The following SFTPB variants were observed in gnomAD, a reference collection of about 807,000 sequenced individuals.
SFTPB encodes the protein pulmonary surfactant-associated protein B.
A neutral mutation model predicts 51.0 loss-of-function variants in SFTPB; 32 were observed. The ratio of observed to expected loss-of-function variants is 0.63; its 90% CI spans 0.47 to 0.84. The LOEUF is 0.84. Among genes scored for constraint, SFTPB ranks in the 40% least tolerant of loss-of-function variants. The probability of loss-of-function intolerance (pLI) is 0.00; values close to 1 mark genes in which losing one functional copy is unlikely to be tolerated. For synonymous variants in SFTPB, 211 were observed against 208.5 expected (o/e 1.01, Z -0.10); for missense variants, 431 against 491.2 (o/e 0.88, Z 1.16).
Position 85,663,571 on chromosome 2 carries a change from G to T in SFTPB, c.857-80C>A, listed in dbSNP as rs1339079384. On this transcript the variant is annotated intron_variant, in intron 7 of 10. Coordinates refer to ENST00000519937, the MANE Select transcript of SFTPB (RefSeq NM_000542.5). ...TGGTTTCTGTCCTCCTTGGTGCATTGCAGTGGGACCACAGAGGGAGAGGGT... is the reference window on the plus strand; with the variant it reads ...TGGTTTCTGTCCTCCTTGGTGCATTTCAGTGGGACCACAGAGGGAGAGGGT... 4 of 1,596,580 alleles carry T rather than the reference G, an allele frequency of 2.5e-6. No homozygotes were observed. In the Admixed American group the frequency reaches 7.0e-5, roughly 28 times the overall value.
chr2:85,668,240 G>A (rs1009953317), upstream of SFTPB: 4 of 1,505,062 alleles, frequency 2.7e-6, no homozygotes, highest in Admixed American at 3.9e-5. Context: ...AGCTGGGCGG[G>A]GCGTGGGGGC....
At position 85,662,105 on chromosome 2, in the gene SFTPB, T is replaced by A; in HGVS notation, c.1007A>T (p.Lys336Met). The A allele has an allele frequency of 6.2e-7, 1 of 1,600,608 alleles. No homozygotes were observed. The highest frequency in any genetic ancestry group is 8.5e-7 in the Non-Finnish European group (1 of 1,175,062). ...VGSWLDREKC[K>M]QFVEQHTPQL... ...GGGCGTGTGCTGCTCCACAAATTGCTTGCACTGAGGAAGGAGACACACAGC... is the reference window on the plus strand; with the variant it reads ...GGGCGTGTGCTGCTCCACAAATTGCATGCACTGAGGAAGGAGACACACAGC... The change falls in exon 9 of 11, where the codon AAG (lysine) becomes ATG (methionine). Residue 336 changes from lysine to methionine, a missense_variant. Coordinates refer to ENST00000519937, the MANE Select transcript of SFTPB (RefSeq NM_000542.5).
rs548414751 is a variant in SFTPB, at chr2:85,663,376, G to T, written c.972C>A (p.Ala324=). 3 of 1,613,488 alleles carry T rather than the reference G, an allele frequency of 1.9e-6. No individual in the cohort carries two copies. Among genetic ancestry groups the T allele is most frequent in the Admixed American group, 1.7e-5 (1 of 60,020 alleles). The change falls in exon 8 of 11, where the codon GCC becomes GCA. Residue 324 remains alanine (A), a synonymous_variant. Coordinates refer to ENST00000519937, the MANE Select transcript of SFTPB (RefSeq NM_000542.5). ...EQAIPQAMLQ[A]CVGSWLDREK... ...CCCTGTCCAGCCAGGAGCCAACACA[G>T]GCCTGGAGCATTGCCTGTGGTATGG...
Position 85,662,088 on chromosome 2 carries a change from G to A in SFTPB, c.1024C>T (p.His342Tyr). Residue 342 changes from histidine to tyrosine, a missense_variant, in exon 9 of 11, where the codon CAC becomes TAC. Transcript: ENST00000519937. ...REKCKQFVEQHTPQLLTLVPR... is the reference protein window; with the variant it reads ...REKCKQFVEQYTPQLLTLVPR... ...ACCAGGGTCAGCAGCTGGGGCGTGT[G>A]CTGCTCCACAAATTGCTTGCACTGA... The A allele has an allele frequency of 3.1e-6, 5 of 1,602,438 alleles. No homozygotes were observed. Among genetic ancestry groups the A allele is most frequent in the Non-Finnish European group, 4.3e-6 (5 of 1,175,840 alleles).
chr2:85,663,812 G>T lies in SFTPB; in HGVS notation c.708C>A (p.Arg236=), dbSNP rs367661082. Residue 236 remains arginine (R), a synonymous_variant, in exon 7 of 11, where the codon CGC becomes CGA. Coordinates refer to ENST00000519937, the MANE Select transcript of SFTPB (RefSeq NM_000542.5). ...ALAVAVAQVC[R]VVPLVAGGIC... is the part of the protein sequence containing the mutation. ...TGCCGCCCGCCACCAGAGGTACCAC[G>T]CGGCACACCTGGGCCACTGCCACAG... The T allele has an allele frequency of 4.4e-6, 7 of 1,599,064 alleles. No individual in the cohort carries two copies. The highest frequency in any genetic ancestry group is 6.0e-6 in the Non-Finnish European group (7 of 1,174,708).
At position 85,666,142 on chromosome 2, in the gene SFTPB, G is replaced by A. The variant is rs535310109; in HGVS notation, c.394-348C>T. ...GGTCGGGTGCATGGCTGAAGGGCAC[G>A]TAGTTTCCTAGGCCCTTTGTGGACA... On this transcript the variant is annotated intron_variant, in intron 4 of 10. Transcript: ENST00000519937. Among the ~76,000 whole-genome samples the A allele has an allele frequency of 5.3e-5, 8 of 151,820 alleles. No homozygotes were observed. In the South Asian group the frequency reaches 1.5e-3, roughly 28 times the overall value.
At position 85,663,765 on chromosome 2, in the gene SFTPB, C is replaced by G. The variant is rs748482999; in HGVS notation, c.755G>C (p.Arg252Pro). The G allele has an allele frequency of 6.2e-7, 1 of 1,607,552 alleles. No homozygotes were observed. The highest frequency in any genetic ancestry group is 1.3e-5 in the African/African-American group (1 of 74,948). ...AGGICQCLAE[R>P]YSVILLDTLL... ...CGTGTCGAGCAGGATGACGGAGTAG[C>G]GCTCAGCCAGGCACTGGCAGATGCC... The change falls in exon 7 of 11, where the codon CGC (arginine) becomes CCC (proline). Residue 252 changes from arginine (R) to proline (P), a missense_variant. By Grantham distance (103) the Arg-to-Pro change is moderately radical. Transcript: ENST00000519937.
At position 85,668,136 on chromosome 2, in the gene SFTPB, C is replaced by T. The variant is rs3024793; in HGVS notation, c.48G>A (p.Thr16=). 7,028 of 1,551,208 alleles carry T rather than the reference C, an allele frequency of 4.5e-3. 264 individuals are homozygous for T. In the African/African-American group the frequency reaches 0.081, roughly 18 times the overall value. ...LLQWLLLLLP[T]LCGPGTAAWT... is the part of the protein sequence containing the mutation. ...ACTCACCAGTGCCTGGGCCACAGAG[C>T]GTGGGCAGCAGCAGCAGCAGCCACT... is the stretch of plus-strand genomic sequence containing the variant. Residue 16 remains threonine, a synonymous_variant, in exon 1 of 11, where the codon ACG becomes ACA. Transcript: ENST00000519937.
intron 10 of SFTPB, 29 bp downstream of exon 10, chr2:85,661,425 C>A: frequency 6.6e-7 from 1 of 1,519,782 alleles, no homozygotes; most frequent in Middle Eastern, 1.7e-4. Context: ...TGCCCCCTTA[C>A]CTCCCCGCAA....
intron 6 of SFTPB, among the ~76,000 whole-genome samples, 167 bp downstream of exon 6, chr2:85,665,122 C>T (rs572504344): frequency 9.2e-5 from 14 of 152,272 alleles, no homozygotes; most frequent in African/African-American, 3.4e-4. Context: ...GAGCCTGAGC[C>T]CCAGGGTCCC....
chr2:85,661,596 C>A, intron 9 of SFTPB, 61 bp from the exon 10 acceptor site: 2 of 1,428,534 alleles, frequency 1.4e-6, no homozygotes. Flanking sequence ...ACACCCAGCT[C>A]TTCCGGGAAA....
At chr2:85,665,426 T>C (rs1182267971) in intron 5 of SFTPB, 48 bp from the exon 6 acceptor site, 1 of 1,488,090 alleles carries the variant, frequency 6.7e-7, no homozygotes, top group South Asian at 1.1e-5. Context: ...GGGAGAAGAG[T>C]CCTCCAGGCT....
intron 9 of SFTPB, 86 bp downstream of exon 9, chr2:85,661,943 G>A (rs1677326033): frequency 1.5e-6 from 2 of 1,329,820 alleles, no homozygotes; most frequent in Non-Finnish European, 2.1e-6. Flanking sequence ...CCAGGGGAGT[G>A]AGGCCTCTGA....
At chr2:85,661,846 C>T (rs771930487) in intron 9 of SFTPB, among the ~76,000 whole-genome samples, 183 bp downstream of exon 9, 1 of 152,186 alleles carries the variant, frequency 6.6e-6, no homozygotes, top group African/African-American at 2.4e-5. Context: ...TCCCATCCCC[C>T]TTTTCCATGC....
At chr2:85,660,006 C>G (rs1677206223) in intron 10 of SFTPB, among the ~76,000 whole-genome samples, 1 of 152,174 alleles carries the variant, frequency 6.6e-6, no homozygotes, top group African/African-American at 2.4e-5. Context: ...GTTTCAGGAA[C>G]AGGGCTGGCT....
In SFTPB at chr2:85,665,325, C is replaced by A; in HGVS notation, c.636G>T (p.Arg212Ser). The change falls in exon 6 of 11, where the codon AGG becomes AGT. Residue 212 changes from arginine to serine, a missense_variant. Physicochemically the swap from Arg to Ser is moderately radical, Grantham distance 110. Transcript: ENST00000519937. ...PIPLPYCWLC[R>S]ALIKRIQAMI... ...TGGCTTGGATCCGCTTGATCAGAGC[C>A]CTGCAGAGCCAGCAATAGGGGAGAG... 2 of 1,614,084 alleles carry A rather than the reference C, an allele frequency of 1.2e-6. No individual in the cohort carries two copies. The highest frequency in any genetic ancestry group is 1.7e-6 in the Non-Finnish European group (2 of 1,179,998).
intron 6 of SFTPB, among the ~76,000 whole-genome samples, chr2:85,664,174 C>T (rs1271271694): frequency 6.6e-6 from 1 of 152,198 alleles, no homozygotes; most frequent in East Asian, 1.9e-4. Context: ...ACTCTCCTCT[C>T]CTGCACTTCA....
At chr2:85,660,675 G>A (rs1030771176) in intron 10 of SFTPB, among the ~76,000 whole-genome samples, 11 of 151,900 alleles carry the variant, frequency 7.2e-5, no homozygotes, top group Admixed American at 6.6e-4. Flanking sequence ...GGCTAGTCTC[G>A]AACTCCTGAC....
rs1350677115 is a variant in SFTPB, at chr2:85,661,479, G to A, written c.1140C>T (p.Asp380=). 2 of 1,611,406 alleles carry A rather than the reference G, an allele frequency of 1.2e-6. No individual in the cohort carries two copies. Among genetic ancestry groups the A allele is most frequent in the Middle Eastern group, 1.7e-4 (1 of 6,060 alleles). Reference sequence around the variant, plus strand: ...CTGGACAGCTGAGTTCTCATCAAAGGTCGGGGCTGTGGATACACTGGAGAG... The same window carrying A: ...CTGGACAGCTGAGTTCTCATCAAAGATCGGGGCTGTGGATACACTGGAGAG... ...SSPLQCIHSP[D]L The change falls in exon 10 of 11, where the codon GAC becomes GAT. Residue 380 remains aspartate (D), a synonymous_variant. Transcript: ENST00000519937.
Sources: gnomAD v4.1 joint callset for allele counts (sites outside exome capture counted in the v4.1 genomes callset) on GRCh38, gnomAD v4.1.1 for gene constraint, MANE v1.5 for transcripts, NCBI Gene and HGNC (gene_info 2026-07-23, HGNC 2026-07-21) for gene names.